NRXN3: variants seen among roughly 807,000 people sequenced by gnomAD.
The protein encoded by NRXN3 is neurexin III.
NRXN3 carries 32 observed loss-of-function variants against 137.6 expected under a neutral mutation model. The observed-to-expected ratio is 0.23, with a 90% CI of 0.18 to 0.31. The LOEUF (loss-of-function observed/expected upper bound fraction) is 0.31, where lower values mean the gene tolerates loss of function less well. Ranked by LOEUF, NRXN3 falls within the 10% of genes least tolerant of loss-of-function variation. The pLI, the probability that NRXN3 is intolerant of heterozygous loss-of-function variation, is 1.00. For synonymous variants in NRXN3, 798 were observed against 784.5 expected, an observed-to-expected ratio of 1.02 and a Z score of -0.29; for missense variants, 1,574 against 2,062.5, an observed-to-expected ratio of 0.76 and a Z score of 4.59.
At chr14:79,370,608 G>A (rs757625346) in intron 15 of NRXN3, among the ~76,000 whole-genome samples, 63 of 152,026 alleles carry the variant, frequency 4.1e-4, no homozygotes, top group Non-Finnish European at 7.5e-4. Context: ...ATGAGCCACC[G>A]TGCCTGGCCA....
chr14:79,712,358 A>T (rs2098807397), intron 19 of NRXN3, among the ~76,000 whole-genome samples: 1 of 152,194 alleles, frequency 6.6e-6, no homozygotes, highest in Non-Finnish European at 1.5e-5. Context: ...CCAGTTTCCC[A>T]GTAAAATTCT....
chr14:79,269,056 A>C (rs2078897985), intron 15 of NRXN3, among the ~76,000 whole-genome samples: 1 of 151,240 alleles, frequency 6.6e-6, no homozygotes, highest in African/African-American at 2.4e-5. Flanking sequence ...ATTTTATTTT[A>C]TTTTATTTTT....
chr14:78,492,971 A>G (rs570855052), intron 4 of NRXN3, among the ~76,000 whole-genome samples: 2 of 152,146 alleles, frequency 1.3e-5, no homozygotes, highest in East Asian at 3.9e-4. Context: ...TACATTTTTA[A>G]CCCTCTGATT....
chr14:79,411,153 A>G (rs1295461377), intron 15 of NRXN3, among the ~76,000 whole-genome samples: 1 of 152,034 alleles, frequency 6.6e-6, no homozygotes, highest in Non-Finnish European at 1.5e-5. Flanking sequence ...TCCAACTTCT[A>G]TGTCAGAGTT....
chr14:78,752,074 TG>T (rs2098645363), intron 8 of NRXN3, among the ~76,000 whole-genome samples: 1 of 152,178 alleles, frequency 6.6e-6, no homozygotes, highest in South Asian at 2.1e-4. Context: ...CCTTGGGAAT[TG>T]TGTTTGTCCT....
intron 6 of NRXN3, among the ~76,000 whole-genome samples, chr14:78,678,927 T>G (rs1163963602): frequency 1.3e-5 from 2 of 152,158 alleles, no homozygotes; most frequent in Non-Finnish European, 2.9e-5. Flanking sequence ...ACTGTTGTAG[T>G]TCTTCTAGTC....
In NRXN3 at chr14:78,400,038, G is replaced by C. The variant is rs575412054; in HGVS notation, c.757+102178G>C. Among the ~76,000 whole-genome samples, 248 of 152,274 alleles carry C rather than the reference G, an allele frequency of 1.6e-3. 3 individuals are homozygous for C. The highest frequency in any genetic ancestry group is 2.3e-3 in the Non-Finnish European group (155 of 68,022). On this transcript the variant is annotated intron_variant, in intron 4 of 20. Transcript: ENST00000335750. ...GTAACAGAAAATAAATAATTGACCA[G>C]TCTGTGTTTTGTTTTCTTTTTCTTT...
intron 10 of NRXN3, among the ~76,000 whole-genome samples, chr14:78,915,227 A>G (rs2152801872): frequency 6.6e-6 from 1 of 151,444 alleles, no homozygotes; most frequent in African/African-American, 2.4e-5. Context: ...TGAGTTTTCA[A>G]TTTTAGAGTT....
At chr14:79,660,454 T>A (rs1422859855) in intron 16 of NRXN3, among the ~76,000 whole-genome samples, 3 of 152,144 alleles carry the variant, frequency 2.0e-5, no homozygotes, top group African/African-American at 7.2e-5. Context: ...CTAACAGGAT[T>A]AAGAAGATCT....
chr14:79,769,040 G>T (rs1257956361), intron 19 of NRXN3, among the ~76,000 whole-genome samples: 4 of 151,962 alleles, frequency 2.6e-5, no homozygotes, highest in Non-Finnish European at 5.9e-5. Flanking sequence ...AAGATGAAAT[G>T]AATGAAATGA....
At chr14:78,693,874 G>A (rs1344984702) in intron 6 of NRXN3, among the ~76,000 whole-genome samples, 3 of 151,912 alleles carry the variant, frequency 2.0e-5, no homozygotes, top group East Asian at 3.9e-4. Flanking sequence ...GTCTTCTGGG[G>A]CATTTTTCAG....
chr14:78,460,696 G>T (rs1487907876), intron 4 of NRXN3, among the ~76,000 whole-genome samples: 4 of 152,194 alleles, frequency 2.6e-5, no homozygotes, highest in African/African-American at 9.7e-5. Flanking sequence ...CACAGATGAA[G>T]TATAATGAAA....
chr14:79,289,573 T>G (rs1458556319), intron 15 of NRXN3, among the ~76,000 whole-genome samples: 1 of 151,958 alleles, frequency 6.6e-6, no homozygotes, highest in Non-Finnish European at 1.5e-5. Context: ...TGAGCCAAGA[T>G]CACGCCATTG....
At position 78,794,027 on chromosome 14, in the gene NRXN3, T is replaced by C. The variant is rs576065731; in HGVS notation, c.2045-9593T>C. Among the ~76,000 whole-genome samples the C allele has an allele frequency of 4.6e-4, 70 of 152,078 alleles. 1 individual carries two copies. Among genetic ancestry groups the C allele is most frequent in the Admixed American group, 2.8e-3 (42 of 15,264 alleles). On this transcript the variant is annotated intron_variant, in intron 8 of 20. Coordinates refer to ENST00000335750, the MANE Select transcript of NRXN3 (RefSeq NM_001330195.2). Reference sequence around the variant, plus strand: ...AAGGAGAAAATGTCAAAGAATAATGTTCTCATTTTTCATAGGAATAAGGCA... The same window carrying C: ...AAGGAGAAAATGTCAAAGAATAATGCTCTCATTTTTCATAGGAATAAGGCA...
intron 9 of NRXN3, among the ~76,000 whole-genome samples, chr14:78,805,215 T>G (rs1042430366): frequency 2.0e-5 from 3 of 152,170 alleles, no homozygotes; most frequent in African/African-American, 7.2e-5. Context: ...CTCTTTTTCT[T>G]GTCCAACTTC....
intron 16 of NRXN3, among the ~76,000 whole-genome samples, chr14:79,581,609 A>G (rs1383934991): frequency 6.6e-6 from 1 of 152,110 alleles, no homozygotes; most frequent in African/African-American, 2.4e-5. Context: ...TTCTTCTCCT[A>G]CTTATCTTAA....
intron 10 of NRXN3, among the ~76,000 whole-genome samples, chr14:78,859,884 C>T (rs1170761763): frequency 6.6e-6 from 1 of 152,038 alleles, no homozygotes; most frequent in Non-Finnish European, 1.5e-5. Flanking sequence ...CACTTTTATC[C>T]TCTCCCCTCC....
intron 4 of NRXN3, among the ~76,000 whole-genome samples, chr14:78,409,298 A>G (rs1369432682): frequency 8.1e-6 from 1 of 123,070 alleles, no homozygotes; most frequent in African/African-American, 2.8e-5. Flanking sequence ...CAACAAGCCT[A>G]TAAGACTCTT....
At chr14:79,103,799 G>A (rs1490726025) in intron 15 of NRXN3, among the ~76,000 whole-genome samples, 2 of 152,174 alleles carry the variant, frequency 1.3e-5, no homozygotes, top group African/African-American at 4.8e-5. Context: ...GTTCTCAAAT[G>A]TATATGTGAA....
Sources: gnomAD v4.1 joint callset for allele counts (sites outside exome capture counted in the v4.1 genomes callset) on GRCh38, gnomAD v4.1.1 for gene constraint, MANE v1.5 for transcripts, NCBI Gene and HGNC (gene_info 2026-07-23, HGNC 2026-07-21) for gene names.